Variants in APLF observed in about 807,000 individuals in gnomAD.
The protein encoded by APLF is aprataxin and PNKP like factor, also known as aprataxin and PNK-like factor.
In APLF, 61 loss-of-function variants were observed where a neutral mutation model predicts 55.6. That is an observed-to-expected ratio of 1.10 (90% CI 0.89 to 1.36). APLF has a LOEUF of 1.36. Among genes scored for constraint, APLF ranks in the 40% most tolerant of loss-of-function variants. APLF has a pLI of 0.00. For synonymous variants in APLF, 207 were observed against 214.8 expected, an observed-to-expected ratio of 0.96 and a Z score of 0.32; for missense variants, 611 against 602.5, an observed-to-expected ratio of 1.01 and a Z score of -0.15.
At chr2:68,497,194 T>A (rs1676574864) in intron 2 of APLF, among the ~76,000 whole-genome samples, 1 of 152,002 alleles carries the variant, frequency 6.6e-6, no homozygotes, top group Non-Finnish European at 1.5e-5. Context: ...CTTACAATCA[T>A]GGAAAAAGGC....
chr2:68,549,195 AT>A (rs1231093265), intron 8 of APLF, among the ~76,000 whole-genome samples: 3 of 151,912 alleles, frequency 2.0e-5, no homozygotes, highest in Non-Finnish European at 4.4e-5. Flanking sequence ...CTTGCTATAT[AT>A]TTGTTGAAGA....
At chr2:68,570,280 T>A (rs1671418733) in intron 9 of APLF, among the ~76,000 whole-genome samples, 1 of 138,870 alleles carries the variant, frequency 7.2e-6, no homozygotes, top group African/African-American at 3.2e-5. Context: ...TTTATTCTTT[T>A]TTTTTTAATA....
At chr2:68,519,210 T>C (rs2103970896) in intron 5 of APLF, among the ~76,000 whole-genome samples, 1 of 139,906 alleles carries the variant, frequency 7.1e-6, no homozygotes, top group African/African-American at 2.6e-5. Context: ...TAAATATATA[T>C]TATCTATATT....
At chr2:68,509,976 C>G (rs1676994911) in intron 3 of APLF, among the ~76,000 whole-genome samples, 1 of 150,028 alleles carries the variant, frequency 6.7e-6, no homozygotes, top group Admixed American at 6.7e-5. Flanking sequence ...GGACAAAAAA[C>G]CAAACACTGC....
intron 3 of APLF, among the ~76,000 whole-genome samples, chr2:68,512,522 G>A (rs1159659388): frequency 1.3e-5 from 2 of 151,776 alleles, no homozygotes; most frequent in South Asian, 2.1e-4. Context: ...AGAAGTATGA[G>A]GTAATTGGTT....
chr2:68,545,935 C>T (rs758624037), intron 8 of APLF, among the ~76,000 whole-genome samples: 7 of 152,022 alleles, frequency 4.6e-5, no homozygotes, highest in Non-Finnish European at 1.0e-4. Flanking sequence ...ATGAAACAAA[C>T]TATCAAAGAA....
rs887398252 is a variant in APLF at position 68,508,012 on chromosome 2, T to C, written c.342-5068T>C. On this transcript the variant is annotated intron_variant, in intron 3 of 9. Transcript: ENST00000303795. Reference sequence around the variant, plus strand: ...ATGATAGTATGATAATATGCAAGTTTCAAATTCATTTATAATTATTTAAAA... The same window carrying C: ...ATGATAGTATGATAATATGCAAGTTCCAAATTCATTTATAATTATTTAAAA... 4.6e-5 allele frequency among the ~76,000 whole-genome samples: 7 copies of C among 151,964 alleles called. No individual in the cohort carries two copies. In the East Asian group the frequency reaches 1.2e-3, roughly 25 times the overall value.
Position 68,513,555 on chromosome 2 carries a change from T to G in APLF, c.497T>G (p.Leu166Arg). Residue 166 changes from leucine (L) to arginine (R), a missense_variant, in exon 5 of 10, where the codon CTA (leucine) becomes CGA (arginine). Physicochemically the swap from Leu to Arg is moderately radical, Grantham distance 102. Transcript: ENST00000303795. ...TTATAGGTGTCTTTTTAGTCTTTCC[T>G]AGGTGAAAATAGAGACTGCAATAAG... ...QMTPTNSVSF[L>R]GENRDCNKQQ... 6.2e-7 allele frequency: 1 copy of G among 1,610,346 alleles called. No homozygotes were observed. Among genetic ancestry groups the G allele is most frequent in the Non-Finnish European group, 8.5e-7 (1 of 1,177,868 alleles).
At position 68,513,595 on chromosome 2, in the gene APLF, T is replaced by C. The variant is rs761177341; in HGVS notation, c.537T>C (p.Leu179=). The change falls in exon 5 of 10, where the codon CTT becomes CTC. Residue 179 remains leucine, a synonymous_variant. Coordinates refer to ENST00000303795, the MANE Select transcript of APLF (RefSeq NM_173545.3). ...NRDCNKQQPI[L]AERKRILPTW... is the part of the protein sequence containing the mutation. ...ACTGCAATAAGCAGCAGCCAATCCTTGCCGAGAGGAAAAGAATCCTTCCAA... is the reference window on the plus strand; with the variant it reads ...ACTGCAATAAGCAGCAGCCAATCCTCGCCGAGAGGAAAAGAATCCTTCCAA... 37 of 1,611,424 alleles carry C rather than the reference T, an allele frequency of 2.3e-5. No homozygotes were observed. The highest frequency in any genetic ancestry group is 3.1e-5 in the Non-Finnish European group (36 of 1,178,304).
At chr2:68,468,010 T>G (rs1675486711) in intron 1 of APLF, among the ~76,000 whole-genome samples, 183 bp downstream of exon 1, 1 of 152,244 alleles carries the variant, frequency 6.6e-6, no homozygotes, top group Admixed American at 6.5e-5. Context: ...TTCTTTATGT[T>G]GCTTTTAAAA....
rs112755224 is a variant in APLF at position 68,534,296 on chromosome 2, TC to T, written c.805-3575del. Among the ~76,000 whole-genome samples, 33 of 152,310 alleles carry T rather than the reference TC, an allele frequency of 2.2e-4. 1 individual carries two copies. Among genetic ancestry groups the T allele is most frequent in the African/African-American group, 7.5e-4 (31 of 41,566 alleles). Reference sequence around the variant, plus strand: ...ATGTCTGGCTATATGAGTTTGAAGCTCAGGAGTGAAGTTGGGGCTAGAGGTT... The same window carrying T: ...ATGTCTGGCTATATGAGTTTGAAGCTAGGAGTGAAGTTGGGGCTAGAGGTT... On this transcript the variant is annotated intron_variant, in intron 6 of 9. Transcript: ENST00000303795.
chr2:68,532,753 A>G (rs1256432756), intron 6 of APLF, among the ~76,000 whole-genome samples: 1 of 152,146 alleles, frequency 6.6e-6, no homozygotes, highest in African/African-American at 2.4e-5. Context: ...AAATGAGGGT[A>G]CTTGAATTGA....
At chr2:68,491,492 A>G (rs1676357665) in intron 2 of APLF, among the ~76,000 whole-genome samples, 1 of 152,238 alleles carries the variant, frequency 6.6e-6, no homozygotes, top group South Asian at 2.1e-4. Context: ...GTAGATTTTT[A>G]CAAAAGTATG....
At chr2:68,538,634 A>G (rs1031359808) in intron 7 of APLF, among the ~76,000 whole-genome samples, 28 of 148,492 alleles carry the variant, frequency 1.9e-4, no homozygotes, top group African/African-American at 7.4e-4. Flanking sequence ...TATTTTTGTA[A>G]TGGTGCTTTG....
intron 6 of APLF, among the ~76,000 whole-genome samples, chr2:68,536,152 G>A (rs1670378371): frequency 6.6e-6 from 1 of 152,132 alleles, no homozygotes; most frequent in South Asian, 2.1e-4. Context: ...GAGTTGGGGG[G>A]TTGAGATTGG....
chr2:68,551,412 A>G (rs951475257), intron 8 of APLF, among the ~76,000 whole-genome samples: 17 of 151,994 alleles, frequency 1.1e-4, no homozygotes, highest in African/African-American at 4.1e-4. Flanking sequence ...CTGCTTGGCT[A>G]TTATCTCATC....
chr2:68,547,427 C>T (rs1670738160), intron 8 of APLF, among the ~76,000 whole-genome samples: 1 of 151,588 alleles, frequency 6.6e-6, no homozygotes, highest in South Asian at 2.1e-4. Context: ...CCATGACAAT[C>T]GTACATAATG....
chr2:68,506,197 A>G (rs929450517), intron 3 of APLF, among the ~76,000 whole-genome samples: 4 of 151,410 alleles, frequency 2.6e-5, no homozygotes, highest in East Asian at 1.9e-4. Flanking sequence ...TTAGTTTCCT[A>G]TTGAAGCAAG....
intron 6 of APLF, among the ~76,000 whole-genome samples, chr2:68,526,452 G>C (rs1670049068): frequency 6.6e-6 from 1 of 152,166 alleles, no homozygotes; most frequent in African/African-American, 2.4e-5. Context: ...GGCTAACTAT[G>C]GCGACCGCCA....
Sources: gnomAD v4.1 joint callset for allele counts (sites outside exome capture counted in the v4.1 genomes callset) on GRCh38, gnomAD v4.1.1 for gene constraint, MANE v1.5 for transcripts, NCBI Gene and HGNC (gene_info 2026-07-23, HGNC 2026-07-21) for gene names.